ZMYND8: variants seen among roughly 807,000 people sequenced by gnomAD.
ZMYND8 encodes the protein zinc finger MYND-type containing 8, also known as MYND-type zinc finger-containing chromatin reader ZMYND8.
ZMYND8 carries 37 observed loss-of-function variants against 140.8 expected under a neutral mutation model. The ratio of observed to expected loss-of-function variants is 0.26; its 90% CI spans 0.20 to 0.35. The LOEUF (loss-of-function observed/expected upper bound fraction) is 0.35, where lower values mean the gene tolerates loss of function less well. ZMYND8 is among the 10% of genes least tolerant of loss of function. ZMYND8 has a pLI of 1.00. For synonymous variants in ZMYND8, 592 were observed against 597.1 expected, an observed-to-expected ratio of 0.99 and a Z score of 0.12; for missense variants, 1,068 against 1,570.0, an observed-to-expected ratio of 0.68 and a Z score of 5.40.
intron 20 of ZMYND8, among the ~76,000 whole-genome samples, chr20:47,221,067 A>G (rs2036869891): frequency 6.6e-6 from 1 of 152,202 alleles, no homozygotes; most frequent in Non-Finnish European, 1.5e-5. Flanking sequence ...ATCATCGCAG[A>G]AAGTTCTCCT....
intron 2 of ZMYND8, among the ~76,000 whole-genome samples, chr20:47,313,295 C>G (rs1055934914): frequency 1.7e-4 from 25 of 151,070 alleles, no homozygotes; most frequent in Non-Finnish European, 1.2e-4. Context: ...ACCTGGGCAA[C>G]ATGGTGAAAC....
chr20:47,219,331 C>T (rs932516473), intron 21 of ZMYND8, among the ~76,000 whole-genome samples: 1 of 151,796 alleles, frequency 6.6e-6, no homozygotes, highest in African/African-American at 2.4e-5. Context: ...GCTGGGATTA[C>T]AGGCATGAGC....
intron 12 of ZMYND8, among the ~76,000 whole-genome samples, chr20:47,249,996 A>G (rs2074036994): frequency 6.6e-6 from 1 of 152,186 alleles, no homozygotes; most frequent in South Asian, 2.1e-4. Flanking sequence ...GGCAGGGAAT[A>G]TAAGATAGGC....
chr20:47,246,478 T>C lies in ZMYND8; in HGVS notation c.1814A>G (p.Glu605Gly), dbSNP rs768664795. 6.2e-7 allele frequency: 1 copy of C among 1,611,958 alleles called. No individual in the cohort carries two copies. The highest frequency in any genetic ancestry group is 8.5e-7 in the Non-Finnish European group (1 of 1,179,628). Residue 605 changes from glutamate to glycine, a missense_variant, in exon 14 of 23, where the codon GAG (glutamate) becomes GGG (glycine). Coordinates refer to ENST00000471951, the MANE Select transcript of ZMYND8 (RefSeq NM_001281775.3). ...EISEDVYTAV[E>G]HSDSEDSEKS... is the part of the protein sequence containing the mutation. The stretch of plus-strand genomic sequence containing the variant: ...CTCAGAATCCTCCGAATCGCTGTGC[T>C]CTACGGCCGTATAGACATCTTCCGA...
chr20:47,214,076 C>A (rs1365114949), intron 21 of ZMYND8, among the ~76,000 whole-genome samples: 1 of 152,220 alleles, frequency 6.6e-6, no homozygotes, highest in Non-Finnish European at 1.5e-5. Flanking sequence ...CTTAGATGTA[C>A]TGTCCTAGTA....
At chr20:47,235,577 C>T (rs1039619406) in intron 16 of ZMYND8, among the ~76,000 whole-genome samples, 2 of 151,988 alleles carry the variant, frequency 1.3e-5, no homozygotes, top group African/African-American at 2.4e-5. Context: ...CATGGTGGCG[C>T]GTGCCTGTAG....
At chr20:47,219,111 G>A (rs1032182506) in intron 21 of ZMYND8, among the ~76,000 whole-genome samples, 5 of 141,686 alleles carry the variant, frequency 3.5e-5, no homozygotes, top group Non-Finnish European at 6.1e-5. Context: ...AGGCTGGAGC[G>A]CAGTGGCACG....
chr20:47,291,723 T>C (rs1346505343), intron 6 of ZMYND8, 73 bp downstream of exon 6: 9 of 1,182,798 alleles, frequency 7.6e-6, no homozygotes, highest in East Asian at 2.6e-5. Context: ...TGATAGAGCA[T>C]AGGCAGTGAG....
intron 2 of ZMYND8, among the ~76,000 whole-genome samples, chr20:47,332,168 G>A (rs762325653): frequency 2.6e-5 from 4 of 152,124 alleles, no homozygotes; most frequent in Non-Finnish European, 4.4e-5. Flanking sequence ...AAAATTAGCC[G>A]AGCATGGTGA....
At chr20:47,225,766 G>A (rs2037629619) in intron 18 of ZMYND8, among the ~76,000 whole-genome samples, 1 of 151,504 alleles carries the variant, frequency 6.6e-6, no homozygotes, top group Non-Finnish European at 1.5e-5. Context: ...CTAAGTTTTG[G>A]CCAGCCCACA....
intron 5 of ZMYND8, among the ~76,000 whole-genome samples, chr20:47,293,204 CAGGCAGGCAGGCAGGG>C (rs1569119976): frequency 7.6e-5 from 3 of 39,222 alleles, no homozygotes; most frequent in Non-Finnish European, 1.2e-4. Context: ...GGCAGGCAGG[CAGGCAGGCAGGCAGGG>C]AGGGAGGGAG....
chr20:47,238,355 C>T (rs766492113), intron 15 of ZMYND8: 7 of 183,586 alleles, frequency 3.8e-5, no homozygotes, highest in African/African-American at 7.2e-5. Context: ...ATACATGATG[C>T]GCACATATAT....
rs1253106112 is a variant in ZMYND8 at position 47,210,720 on chromosome 20, T to A, written c.*41A>T. On this transcript the variant is annotated 3_prime_UTR_variant, in exon 23 of 23. Coordinates refer to ENST00000471951, the MANE Select transcript of ZMYND8 (RefSeq NM_001281775.3). ...TTCTTCTTTTCCTGGCGTCTGGGTT[T>A]TTCTCCCAATGGGGTGGGTGGTTTG... 3 of 1,613,910 alleles carry A rather than the reference T, an allele frequency of 1.9e-6. No homozygotes were observed. The highest frequency in any genetic ancestry group is 2.7e-5 in the African/African-American group (2 of 74,890).
intron 2 of ZMYND8, among the ~76,000 whole-genome samples, chr20:47,321,054 C>G (rs1212857184): frequency 6.6e-6 from 1 of 152,170 alleles, no homozygotes; most frequent in East Asian, 1.9e-4. Context: ...GAGGAACACC[C>G]AGGAAACCCA....
intron 12 of ZMYND8, among the ~76,000 whole-genome samples, chr20:47,257,486 CACAT>C (rs1484436590): frequency 1.2e-4 from 18 of 151,846 alleles, no homozygotes; most frequent in East Asian, 1.9e-4. Flanking sequence ...ATACAACACA[CACAT>C]ACATACTTAT....
chr20:47,352,580 C>A, intron 1 of ZMYND8: 2 of 977,352 alleles, frequency 2.0e-6, no homozygotes, highest in Non-Finnish European at 2.4e-6. Context: ...GAGTGGATAA[C>A]GTCATTTACT....
chr20:47,225,577 G>GGAAGGGGAAGGGAGGGGAAT (rs2037573179), intron 18 of ZMYND8, among the ~76,000 whole-genome samples: 1 of 2,002 alleles, frequency 5.0e-4, no homozygotes, highest in Non-Finnish European at 1.2e-3. Context: ...GGGAGGGGAA[G>GGAAGGGGAAGGGAGGGGAAT]GGAGGGGAAG....
intron 8 of ZMYND8, among the ~76,000 whole-genome samples, chr20:47,285,450 C>A (rs150786028): frequency 2.0e-5 from 3 of 152,190 alleles, no homozygotes; most frequent in Non-Finnish European, 4.4e-5. Flanking sequence ...TCCAAAACAG[C>A]CTGTATGACT....
intron 3 of ZMYND8, among the ~76,000 whole-genome samples, chr20:47,300,060 G>A (rs1014376705): frequency 3.3e-5 from 5 of 152,044 alleles, no homozygotes; most frequent in East Asian, 1.9e-4. Context: ...ATGGGAGGTC[G>A]ACCTCTTCCT....
Sources: gnomAD v4.1 joint callset for allele counts (sites outside exome capture counted in the v4.1 genomes callset) on GRCh38, gnomAD v4.1.1 for gene constraint, MANE v1.5 for transcripts, NCBI Gene and HGNC (gene_info 2026-07-23, HGNC 2026-07-21) for gene names.